FNDC1: variants seen among roughly 807,000 people sequenced by gnomAD.
FNDC1 encodes the protein fibronectin type III domain-containing protein 1.
Under a neutral mutation model 168.0 loss-of-function variants are expected in FNDC1, and 96 were observed. The ratio of observed to expected loss-of-function variants is 0.57; its 90% CI spans 0.48 to 0.68. The LOEUF (loss-of-function observed/expected upper bound fraction) is 0.68, where lower values mean the gene tolerates loss of function less well. FNDC1 is among the 30% of genes least tolerant of loss of function. The pLI is 0.00. For synonymous variants in FNDC1, 1,099 were observed against 1,025.9 expected (o/e 1.07, Z -1.36); for missense variants, 2,587 against 2,482.1 (o/e 1.04, Z -0.90).
At chr6:159,228,518 T>C (rs1300797001) in intron 9 of FNDC1, among the ~76,000 whole-genome samples, 3 of 151,566 alleles carry the variant, frequency 2.0e-5, no homozygotes, top group Admixed American at 6.6e-5. Context: ...TCCAGACAAA[T>C]GCTGCAAAAG....
chr6:159,237,060 CTA>C (rs1200114535), intron 12 of FNDC1, among the ~76,000 whole-genome samples: 2 of 152,142 alleles, frequency 1.3e-5, no homozygotes, highest in Admixed American at 1.3e-4. Context: ...TACTAAAAGA[CTA>C]TGACATTTTC....
chr6:159,264,865 CT>C (rs1167847721), intron 19 of FNDC1, 109 bp from the exon 20 acceptor site: 4 of 852,806 alleles, frequency 4.7e-6, no homozygotes, highest in Non-Finnish European at 5.3e-6. Flanking sequence ...CAAACCTTAT[CT>C]TTTTCTTTAT....
intron 1 of FNDC1, among the ~76,000 whole-genome samples, chr6:159,179,890 G>A (rs1781844040): frequency 6.6e-6 from 1 of 152,180 alleles, no homozygotes; most frequent in African/African-American, 2.4e-5. Context: ...GCAGAATAAG[G>A]GGGTGGTGCC....
At chr6:159,194,905 C>A (rs1259209038) in intron 1 of FNDC1, among the ~76,000 whole-genome samples, 1 of 152,068 alleles carries the variant, frequency 6.6e-6, no homozygotes, top group African/African-American at 2.4e-5. Context: ...CTGAGTTAGG[C>A]ATGGACGAGT....
chr6:159,251,583 T>C (rs1777266596), intron 17 of FNDC1, 51 bp downstream of exon 17: 1 of 1,512,996 alleles, frequency 6.6e-7, no homozygotes, highest in South Asian at 1.2e-5. Context: ...GTGGGAAATG[T>C]GGACAATAAA....
chr6:159,257,408 C>T (rs1185770603), intron 18 of FNDC1, among the ~76,000 whole-genome samples: 1 of 152,192 alleles, frequency 6.6e-6, no homozygotes, highest in African/African-American at 2.4e-5. Context: ...TTTTAAGCCA[C>T]CATGGGCTTG....
chr6:159,224,940 G>A (rs955314188), intron 7 of FNDC1, among the ~76,000 whole-genome samples: 2 of 152,042 alleles, frequency 1.3e-5, no homozygotes, highest in African/African-American at 2.4e-5. Flanking sequence ...TTTCTCCCCC[G>A]ATAACCATGC....
rs116058921 is a variant in FNDC1, at chr6:159,229,772, G to A, written c.1181-43G>A. On this transcript the variant is annotated intron_variant, in intron 9 of 22. Coordinates refer to ENST00000297267, the MANE Select transcript of FNDC1 (RefSeq NM_032532.3). ...CAGTCTGTCTGCTGGACACAGGACT[G>A]TTTTCAGTTTCCTCCTTCCAACCAT... 2,013 of 1,569,086 alleles carry A rather than the reference G, an allele frequency of 1.3e-3. 27 individuals carry two copies. In the African/African-American group the frequency reaches 0.025, roughly 19 times the overall value.
In FNDC1 at chr6:159,269,370, CATCTGCCCATCCATAT is replaced by C. The variant is rs1777678254; in HGVS notation, c.5569+1449_5569+1464del. ...CCATTTGTTTATCTAGGTATCCATC[CATCTGCCCATCCATAT>C]ATCTATCCATCTGTCTATGTATGTA... On this transcript the variant is annotated intron_variant, in intron 22 of 22. Transcript: ENST00000297267. 1.0e-4 allele frequency among the ~76,000 whole-genome samples: 6 copies of C among 59,948 alleles called. 2 individuals carry two copies. Among genetic ancestry groups the C allele is most frequent in the South Asian group, 5.5e-4 (1 of 1,822 alleles). The allele number at this position is 59,948 out of a possible 152,430, so 39.3% of individuals were successfully genotyped here.
intron 1 of FNDC1, among the ~76,000 whole-genome samples, chr6:159,191,202 C>G (rs1253461634): frequency 6.6e-6 from 1 of 152,170 alleles, no homozygotes; most frequent in African/African-American, 2.4e-5. Flanking sequence ...TCACCCCCTA[C>G]CTCCAACACT....
At chr6:159,211,229 C>T (rs547778222) in intron 4 of FNDC1, among the ~76,000 whole-genome samples, 3 of 152,256 alleles carry the variant, frequency 2.0e-5, no homozygotes, top group East Asian at 1.9e-4. Context: ...TGGTGGTCAG[C>T]GCAGTGGGGT....
chr6:159,226,713 A>G, intron 9 of FNDC1, 133 bp downstream of exon 9: 1 of 596,060 alleles, frequency 1.7e-6, no homozygotes, highest in Non-Finnish European at 2.8e-6. Flanking sequence ...AGGGACGAGG[A>G]TATTTCATGC....
In FNDC1 at chr6:159,232,338, G is replaced by A. The variant is rs762902369; in HGVS notation, c.1826G>A (p.Arg609His). Residue 609 changes from arginine (R) to histidine (H), a missense_variant, in exon 11 of 23, where the codon CGC becomes CAC. Coordinates refer to ENST00000297267, the MANE Select transcript of FNDC1 (RefSeq NM_032532.3). The surrounding 1 kb of genome is among the most constrained non-coding windows in gnomAD (Gnocchi z 4.9). ...GGCTTTTCCCTGGCCACGCAGCCCCGCCCAGGGGCGCCCCCCTCGGCTTCG... is the reference window on the plus strand; with the variant it reads ...GGCTTTTCCCTGGCCACGCAGCCCCACCCAGGGGCGCCCCCCTCGGCTTCG... ...KPGFSLATQP[R>H]PGAPPSASAS... The A allele has an allele frequency of 1.5e-5, 25 of 1,613,252 alleles. No individual in the cohort carries two copies. Among genetic ancestry groups the A allele is most frequent in the Admixed American group, 1.0e-4 (6 of 59,946 alleles).
At chr6:159,237,065 A>G (rs1261950776) in intron 12 of FNDC1, among the ~76,000 whole-genome samples, 1 of 152,246 alleles carries the variant, frequency 6.6e-6, no homozygotes, top group Non-Finnish European at 1.5e-5. Context: ...AAAGACTATG[A>G]CATTTTCAGT....
intron 16 of FNDC1, 62 bp downstream of exon 16, chr6:159,249,244 A>G (rs294907): frequency 0.94 from 1,405,824 of 1,500,218 alleles, 658,862 homozygotes; most frequent in East Asian, 1. Flanking sequence ...TTGAAGAAAA[A>G]CATTACTAAT....
At position 159,233,094 on chromosome 6, in the gene FNDC1, T is replaced by A; in HGVS notation, c.2582T>A (p.Val861Asp). ...GTGCCCTCCCGAGCCCACCCCAGGG[T>A]TCCCTCTCACTCTGATTCCCACCCT... is the stretch of plus-strand genomic sequence containing the variant. Reference protein sequence around the residue: ...STVPSRAHPRVPSHSDSHPKL... With the variant: ...STVPSRAHPRDPSHSDSHPKL... Residue 861 changes from valine to aspartate, a missense_variant, in exon 11 of 23, where the codon GTT becomes GAT. Val to Asp is a radical substitution (Grantham distance 152, BLOSUM62 -3). Coordinates refer to ENST00000297267, the MANE Select transcript of FNDC1 (RefSeq NM_032532.3). This position sits in a 1 kb window ranked among gnomAD's most constrained non-coding sequence, Gnocchi z 4.6. The A allele has an allele frequency of 6.3e-7, 1 of 1,594,430 alleles. No individual in the cohort carries two copies. Among genetic ancestry groups the A allele is most frequent in the Non-Finnish European group, 8.6e-7 (1 of 1,169,230 alleles).
rs1009237239 is a variant in FNDC1 at position 159,174,957 on chromosome 6, A to T, written c.109+5252A>T. The stretch of plus-strand genomic sequence containing the variant: ...CCAGAGAGGATAATATTACAATTAT[A>T]ATGTCAAATTATTATAATTATATAC... On this transcript the variant is annotated intron_variant, in intron 1 of 22. Transcript: ENST00000297267. 4.6e-5 allele frequency among the ~76,000 whole-genome samples: 7 copies of T among 152,202 alleles called. 1 individual carries two copies. The highest frequency in any genetic ancestry group is 3.3e-4 in the Admixed American group (5 of 15,286).
At position 159,239,717 on chromosome 6, in the gene FNDC1, CCTACCA is replaced by C; in HGVS notation, c.4386_4391del (p.Thr1464_Thr1465del). On this transcript the variant is annotated inframe_deletion, in exon 14 of 23. Coordinates refer to ENST00000297267, the MANE Select transcript of FNDC1 (RefSeq NM_032532.3). ...GCCCACCACTACTACGACGCCCCTG[CCTACCA>C]CTACAACCCCGAGGCCCACCACTGC... The C allele has an allele frequency of 1.3e-6, 2 of 1,548,480 alleles. No individual in the cohort carries two copies. The highest frequency in any genetic ancestry group is 1.7e-6 in the Non-Finnish European group (2 of 1,145,054).
In FNDC1 at chr6:159,231,922, G is replaced by A; in HGVS notation, c.1410G>A (p.Gly470=). ...ADVEQNTEDN[G]KPEKPEPSSP... is the part of the protein sequence containing the mutation. ...TTGAGCAGAACACGGAGGACAATGG[G>A]AAACCCGAAAAACCTGAGCCTTCCT... The change falls in exon 11 of 23, where the codon GGG becomes GGA. Residue 470 remains glycine (G), a synonymous_variant. Transcript: ENST00000297267. The A allele has an allele frequency of 6.2e-7, 1 of 1,612,810 alleles. No homozygotes were observed.
Sources: gnomAD v4.1 joint callset for allele counts (sites outside exome capture counted in the v4.1 genomes callset) on GRCh38, gnomAD v4.1.1 for gene constraint, Gnocchi (gnomAD v3.1) non-coding constraint, MANE v1.5 for transcripts, NCBI Gene and HGNC (gene_info 2026-07-23, HGNC 2026-07-21) for gene names.